The following CTIF variants were observed in gnomAD, a reference collection of about 807,000 sequenced individuals.
CTIF encodes the protein CBP80/20-dependent translation initiation factor.
CTIF carries 21 observed loss-of-function variants against 66.0 expected under a neutral mutation model. The observed-to-expected ratio is 0.32, with a 90% confidence interval of 0.23 to 0.46. The LOEUF (loss-of-function observed/expected upper bound fraction) is 0.46. CTIF is among the 20% of genes least tolerant of loss of function. The probability of loss-of-function intolerance (pLI) is 1.00; values close to 1 mark genes in which losing one functional copy is unlikely to be tolerated. For synonymous variants in CTIF, 345 were observed against 326.4 expected (o/e 1.06, Z -0.62); for missense variants, 739 against 812.7 (o/e 0.91, Z 1.10).
In CTIF at chr18:48,679,894, AAG is replaced by A. The variant is rs749257457; in HGVS notation, c.507+9154_507+9155del. Among the ~76,000 whole-genome samples, 4 of 152,204 alleles carry A rather than the reference AAG, an allele frequency of 2.6e-5. No individual in the cohort carries two copies. In the East Asian group the frequency reaches 5.8e-4, roughly 22 times the overall value. On this transcript the variant is annotated intron_variant, in intron 6 of 11. Coordinates refer to ENST00000256413, the MANE Select transcript of CTIF (RefSeq NM_014772.3). Reference sequence around the variant, plus strand: ...GAGGGGAGAGGGACCTATGGGGAGAAAGAGAATTATGGTCAGGAGAAAAGGAG... The same window carrying A: ...GAGGGGAGAGGGACCTATGGGGAGAAAGAATTATGGTCAGGAGAAAAGGAG...
At chr18:48,859,071 T>C (rs887346080) in intron 11 of CTIF, among the ~76,000 whole-genome samples, 1 of 152,168 alleles carries the variant, frequency 6.6e-6, no homozygotes, top group Non-Finnish European at 1.5e-5. Flanking sequence ...ACAAGAGGCA[T>C]GTTCCTGGTG....
chr18:48,633,701 C>CAATAAATAAATA (rs59134064), intron 2 of CTIF, among the ~76,000 whole-genome samples: 2,352 of 145,960 alleles, frequency 0.016, 32 homozygotes, highest in African/African-American at 0.037. Context: ...GCCTCCATCT[C>CAATAAATAAATA]AATAAATAAA....
At chr18:48,794,736 C>T (rs541070159) in intron 9 of CTIF, among the ~76,000 whole-genome samples, 2 of 152,300 alleles carry the variant, frequency 1.3e-5, no homozygotes, top group East Asian at 3.9e-4. Context: ...GCTTGTCAGA[C>T]TGGAACATGT....
chr18:48,662,159 A>T (rs2091357258), intron 3 of CTIF: 1 of 152,438 alleles, frequency 6.6e-6, no homozygotes, highest in Non-Finnish European at 1.5e-5. Flanking sequence ...TCTTTGACAG[A>T]TGGGGCACAT....
intron 9 of CTIF, among the ~76,000 whole-genome samples, chr18:48,782,230 G>A (rs1336449891): frequency 6.6e-6 from 1 of 151,956 alleles, no homozygotes; most frequent in Non-Finnish European, 1.5e-5. Context: ...GCAGATTCAA[G>A]TAGAAGGTGG....
intron 1 of CTIF, among the ~76,000 whole-genome samples, chr18:48,555,938 G>T (rs543335358): frequency 1.4e-4 from 21 of 152,352 alleles, no homozygotes; most frequent in Non-Finnish European, 2.2e-4. Flanking sequence ...GAAACCCTGA[G>T]CATGCTGGCT....
At chr18:48,749,324 C>A (rs1482960157) in intron 7 of CTIF, among the ~76,000 whole-genome samples, 1 of 152,156 alleles carries the variant, frequency 6.6e-6, no homozygotes, top group African/African-American at 2.4e-5. Flanking sequence ...TGAAGGTGGA[C>A]CCCAAGCTGC....
intron 7 of CTIF, among the ~76,000 whole-genome samples, chr18:48,750,530 C>G (rs1036740835): frequency 6.6e-6 from 1 of 152,266 alleles, no homozygotes; most frequent in Non-Finnish European, 1.5e-5. Flanking sequence ...AATCCCCGAG[C>G]CCTGCCCCAC....
At chr18:48,848,263 A>G (rs1173991614) in intron 10 of CTIF, among the ~76,000 whole-genome samples, 2 of 151,982 alleles carry the variant, frequency 1.3e-5, no homozygotes, top group African/African-American at 4.8e-5. Flanking sequence ...GTCCCCCCAC[A>G]GCCCTGGCTC....
intron 9 of CTIF, among the ~76,000 whole-genome samples, chr18:48,788,293 G>A (rs552844428): frequency 2.0e-5 from 3 of 152,280 alleles, no homozygotes; most frequent in Non-Finnish European, 2.9e-5. Context: ...GCTTCATTCT[G>A]AGCACTTCCC....
chr18:48,657,898 C>A (rs2091271150), intron 3 of CTIF, among the ~76,000 whole-genome samples: 1 of 152,162 alleles, frequency 6.6e-6, no homozygotes, highest in African/African-American at 2.4e-5. Context: ...GGGTCCCCTT[C>A]TTCTCTGTCC....
chr18:48,586,212 G>T (rs578022994), intron 1 of CTIF, among the ~76,000 whole-genome samples: 2 of 151,816 alleles, frequency 1.3e-5, no homozygotes, highest in Non-Finnish European at 2.9e-5. Context: ...TTTCACTACC[G>T]TTAGCGGACA....
chr18:48,613,400 A>G (rs1175474731), intron 1 of CTIF, among the ~76,000 whole-genome samples: 2 of 152,102 alleles, frequency 1.3e-5, no homozygotes, highest in African/African-American at 4.8e-5. Context: ...CCCTTCCAGA[A>G]CACTAGTTTC....
intron 3 of CTIF, among the ~76,000 whole-genome samples, chr18:48,659,105 T>C (rs535210531): frequency 1.3e-5 from 2 of 152,202 alleles, no homozygotes; most frequent in South Asian, 4.1e-4. Flanking sequence ...CCCCTGTTGA[T>C]GAAAGTTTGC....
At chr18:48,644,622 C>A (rs1354974588) in intron 3 of CTIF, among the ~76,000 whole-genome samples, 1 of 152,210 alleles carries the variant, frequency 6.6e-6, no homozygotes, top group Non-Finnish European at 1.5e-5. Context: ...ATAGGGAGAA[C>A]CATCAGCAGC....
intron 2 of CTIF, among the ~76,000 whole-genome samples, chr18:48,633,736 T>C (rs2090763965): frequency 6.7e-6 from 1 of 150,152 alleles, no homozygotes; most frequent in South Asian, 2.1e-4. Context: ...AATAAATAAA[T>C]AAATGTACAT....
chr18:48,581,600 T>C (rs1010049611), intron 1 of CTIF, among the ~76,000 whole-genome samples: 4 of 152,154 alleles, frequency 2.6e-5, no homozygotes, highest in Non-Finnish European at 5.9e-5. Flanking sequence ...CTGGTAAAGA[T>C]GTCTGGGAGA....
chr18:48,742,344 G>A (rs998642526), intron 7 of CTIF, among the ~76,000 whole-genome samples: 2 of 152,160 alleles, frequency 1.3e-5, no homozygotes, highest in African/African-American at 2.4e-5. Context: ...AGGGTGCCCC[G>A]GGATTCTTCT....
At chr18:48,590,705 C>A (rs543569393) in intron 1 of CTIF, among the ~76,000 whole-genome samples, 1 of 152,340 alleles carries the variant, frequency 6.6e-6, no homozygotes, top group South Asian at 2.1e-4. Context: ...TGGCCACACC[C>A]TCGGGAGCAC....
Sources: allele counts gnomAD v4.1 joint callset (sites outside exome capture counted in the v4.1 genomes callset), GRCh38; gene constraint gnomAD v4.1.1; transcripts MANE v1.5; gene names NCBI Gene and HGNC (gene_info 2026-07-23, HGNC 2026-07-21).